The following NEGR1 variants were observed in gnomAD, a reference collection of about 807,000 sequenced individuals.
The protein encoded by NEGR1 is neuronal growth regulator 1.
In NEGR1, 10 loss-of-function variants were observed where a neutral mutation model predicts 40.9. The ratio of observed to expected loss-of-function variants is 0.24; its 90% CI spans 0.15 to 0.42. The LOEUF is 0.42. Among genes scored for constraint, NEGR1 ranks in the 10% least tolerant of loss-of-function variants. The pLI, the probability that NEGR1 is intolerant of heterozygous loss-of-function variation, is 1.00. For missense variants in NEGR1, 352 were observed against 438.9 expected, an observed-to-expected ratio of 0.80 and a Z score of 1.77; for synonymous variants, 185 against 166.8, an observed-to-expected ratio of 1.11 and a Z score of -0.84.
intron 1 of NEGR1, among the ~76,000 whole-genome samples, chr1:72,131,872 G>A (rs1307980168): frequency 3.3e-5 from 5 of 152,154 alleles, no homozygotes; most frequent in Non-Finnish European, 7.4e-5. Flanking sequence ...TGAGATGGGA[G>A]GATCACCTGA....
At chr1:72,204,329 T>G (rs1653320009) in intron 1 of NEGR1, among the ~76,000 whole-genome samples, 1 of 152,116 alleles carries the variant, frequency 6.6e-6, no homozygotes, top group South Asian at 2.1e-4. Context: ...TCCTCACCAT[T>G]TTTTCCCTCT....
At chr1:72,159,603 A>G (rs1399753114) in intron 1 of NEGR1, among the ~76,000 whole-genome samples, 2 of 152,180 alleles carry the variant, frequency 1.3e-5, no homozygotes, top group East Asian at 1.9e-4. Flanking sequence ...TTTGGTTTCC[A>G]TGAACTTAAA....
At chr1:71,765,017 C>G (rs987433697) in intron 3 of NEGR1, among the ~76,000 whole-genome samples, 2 of 151,442 alleles carry the variant, frequency 1.3e-5, no homozygotes, top group Non-Finnish European at 2.9e-5. Flanking sequence ...TTCCCAAAGC[C>G]AAACTTGCAC....
intron 6 of NEGR1, among the ~76,000 whole-genome samples, chr1:71,483,843 C>T (rs1305339876): frequency 6.6e-6 from 1 of 151,696 alleles, no homozygotes; most frequent in Non-Finnish European, 1.5e-5. Context: ...AATGAAAATG[C>T]CTAGCATTTA....
intron 1 of NEGR1, among the ~76,000 whole-genome samples, chr1:71,939,060 C>A (rs532266300): frequency 6.6e-6 from 1 of 152,114 alleles, no homozygotes; most frequent in Non-Finnish European, 1.5e-5. Flanking sequence ...TTACCTCCCA[C>A]TCCTATTTTC....
chr1:71,829,545 C>T lies in NEGR1; in HGVS notation c.410-53248G>A, dbSNP rs75070613. 6.8e-4 allele frequency among the ~76,000 whole-genome samples: 103 copies of T among 151,948 alleles called. No homozygotes were observed. In the East Asian group the frequency reaches 0.018, roughly 26 times the overall value. On this transcript the variant is annotated intron_variant, in intron 2 of 6. Coordinates refer to ENST00000357731, the MANE Select transcript of NEGR1 (RefSeq NM_173808.3). ...CCGAACACCCGTTTGGTTTCTTGAC[C>T]GCTGTAGTCCAGCCCATAATTTAGT... is the stretch of plus-strand genomic sequence containing the variant.
intron 1 of NEGR1, among the ~76,000 whole-genome samples, chr1:72,157,809 T>C (rs1651413943): frequency 1.3e-5 from 2 of 152,194 alleles, no homozygotes; most frequent in Non-Finnish European, 2.9e-5. Context: ...CTTTGAAGCC[T>C]TTTCCATTCC....
intron 1 of NEGR1, among the ~76,000 whole-genome samples, chr1:72,087,222 G>A (rs900825679): frequency 6.6e-6 from 1 of 152,040 alleles, no homozygotes; most frequent in African/African-American, 2.4e-5. Context: ...TTTGAGGCCA[G>A]CCTGACCAAC....
chr1:71,679,580 A>G (rs540392343), intron 4 of NEGR1, among the ~76,000 whole-genome samples: 1 of 152,242 alleles, frequency 6.6e-6, no homozygotes, highest in East Asian at 1.9e-4. Context: ...GTTTTACAGT[A>G]CAGAACACAA....
intron 1 of NEGR1, among the ~76,000 whole-genome samples, chr1:72,132,072 C>A (rs187226055): frequency 1.0e-3 from 158 of 152,092 alleles, no homozygotes; most frequent in African/African-American, 3.5e-3. Context: ...GTACTCCAGC[C>A]TCGGTGAGAG....
At chr1:71,424,706 C>T (rs1334788731) in intron 6 of NEGR1, among the ~76,000 whole-genome samples, 1 of 152,050 alleles carries the variant, frequency 6.6e-6, no homozygotes, top group African/African-American at 2.4e-5. Context: ...CTGAGGGGCC[C>T]CCATGTGTTA....
At chr1:71,707,390 G>T (rs1481842482) in intron 3 of NEGR1, among the ~76,000 whole-genome samples, 1 of 152,204 alleles carries the variant, frequency 6.6e-6, no homozygotes, top group African/African-American at 2.4e-5. Flanking sequence ...GGTTGGTGGT[G>T]GCTACAGGGT....
intron 6 of NEGR1, among the ~76,000 whole-genome samples, chr1:71,420,115 A>T (rs1029439638): frequency 2.0e-5 from 3 of 152,076 alleles, no homozygotes; most frequent in African/African-American, 7.2e-5. Flanking sequence ...TAAAAATAGC[A>T]TTCCCTGCAT....
chr1:71,445,320 T>A (rs866864040), intron 6 of NEGR1, among the ~76,000 whole-genome samples: 4 of 148,750 alleles, frequency 2.7e-5, no homozygotes, highest in Non-Finnish European at 3.0e-5. Flanking sequence ...AAAAAAAAAA[T>A]AGCTTACACT....
intron 4 of NEGR1, among the ~76,000 whole-genome samples, chr1:71,691,627 G>T (rs1653283185): frequency 6.6e-6 from 1 of 151,742 alleles, no homozygotes; most frequent in African/African-American, 2.4e-5. Context: ...CCTCTGAGCA[G>T]TTCTAGCATC....
chr1:71,588,801 A>G (rs1649398968), intron 6 of NEGR1, among the ~76,000 whole-genome samples: 1 of 152,114 alleles, frequency 6.6e-6, no homozygotes, highest in Non-Finnish European at 1.5e-5. Flanking sequence ...ACTTGCAGAA[A>G]AACAGAAAAC....
At chr1:72,101,309 A>C (rs887159671) in intron 1 of NEGR1, among the ~76,000 whole-genome samples, 2 of 152,202 alleles carry the variant, frequency 1.3e-5, no homozygotes, top group Admixed American at 1.3e-4. Context: ...ATACTGAATA[A>C]TTACCCAGTA....
chr1:72,038,674 G>T (rs1238134883), intron 1 of NEGR1, among the ~76,000 whole-genome samples: 1 of 151,990 alleles, frequency 6.6e-6, no homozygotes, highest in East Asian at 1.9e-4. Context: ...AGTGATGGTA[G>T]TTGAAGCTAA....
chr1:71,886,794 G>A (rs1011006420), intron 2 of NEGR1, among the ~76,000 whole-genome samples: 1 of 152,150 alleles, frequency 6.6e-6, no homozygotes, highest in Non-Finnish European at 1.5e-5. Flanking sequence ...ATAGGGAAGA[G>A]AGGGATGCTA....
Sources: allele counts gnomAD v4.1 joint callset (sites outside exome capture counted in the v4.1 genomes callset), GRCh38; gene constraint gnomAD v4.1.1; transcripts MANE v1.5; gene names NCBI Gene and HGNC (gene_info 2026-07-23, HGNC 2026-07-21).